The following FARS2 variants were observed in gnomAD, a reference collection of about 807,000 sequenced individuals.
FARS2 encodes phenylalanine--tRNA ligase, mitochondrial.
Under a neutral mutation model 46.4 loss-of-function variants are expected in FARS2, and 40 were observed. That is an observed-to-expected ratio of 0.86 (90% CI 0.67 to 1.12). The LOEUF is 1.12. Ranked by LOEUF, FARS2 falls within the 50% of genes most tolerant of loss-of-function variation. The pLI is 0.00. For synonymous variants in FARS2, 234 were observed against 214.9 expected (o/e 1.09, Z -0.78); for missense variants, 513 against 567.9 (o/e 0.90, Z 0.98).
At chr6:5,491,378 T>C (rs1767098690) in intron 4 of FARS2, among the ~76,000 whole-genome samples, 1 of 152,224 alleles carries the variant, frequency 6.6e-6, no homozygotes, top group Admixed American at 6.5e-5. Flanking sequence ...TAATTGTTGC[T>C]GTGCAGAATT....
At chr6:5,549,025 C>G (rs1039172594) in intron 5 of FARS2, among the ~76,000 whole-genome samples, 31 of 152,146 alleles carry the variant, frequency 2.0e-4, no homozygotes, top group African/African-American at 7.5e-4. Context: ...CCAGTTACCA[C>G]AAATCTAGTA....
At chr6:5,390,703 C>G (rs1760453281) in intron 2 of FARS2, among the ~76,000 whole-genome samples, 2 of 152,108 alleles carry the variant, frequency 1.3e-5, no homozygotes, top group South Asian at 4.1e-4. Flanking sequence ...CTCTTCTATT[C>G]CCTTAGTTTA....
At chr6:5,550,940 T>C (rs1771336048) in intron 5 of FARS2, among the ~76,000 whole-genome samples, 1 of 152,230 alleles carries the variant, frequency 6.6e-6, no homozygotes. Context: ...TCTGAGGCAT[T>C]AACAAAGGGT....
intron 6 of FARS2, among the ~76,000 whole-genome samples, chr6:5,686,963 C>T (rs1359459075): frequency 6.6e-6 from 1 of 152,202 alleles, no homozygotes; most frequent in East Asian, 1.9e-4. Flanking sequence ...TGATGATGAG[C>T]ATTTTTTCAT....
chr6:5,456,134 G>C (rs893729950), intron 4 of FARS2, among the ~76,000 whole-genome samples: 2 of 152,088 alleles, frequency 1.3e-5, no homozygotes, highest in Non-Finnish European at 2.9e-5. Context: ...AGGATTGCTT[G>C]AGCCTGGAGG....
At chr6:5,717,851 T>C (rs1448026569) in intron 6 of FARS2, among the ~76,000 whole-genome samples, 1 of 151,424 alleles carries the variant, frequency 6.6e-6, no homozygotes, top group African/African-American at 2.4e-5. Flanking sequence ...ACAGTGCTTT[T>C]TCTACCATGC....
intron 6 of FARS2, among the ~76,000 whole-genome samples, chr6:5,742,093 C>G (rs1417891579): frequency 6.6e-6 from 1 of 152,178 alleles, no homozygotes; most frequent in South Asian, 2.1e-4. Flanking sequence ...AAAGACAGAT[C>G]AGAGTCTCAA....
chr6:5,418,956 G>GT, intron 3 of FARS2, among the ~76,000 whole-genome samples: 1 of 152,136 alleles, frequency 6.6e-6, no homozygotes, highest in South Asian at 2.1e-4. Flanking sequence ...AGATGTGGAA[G>GT]TTTCTCTTTT....
intron 6 of FARS2, among the ~76,000 whole-genome samples, chr6:5,643,428 C>T (rs1776921974): frequency 6.6e-6 from 1 of 152,180 alleles, no homozygotes; most frequent in Non-Finnish European, 1.5e-5. Context: ...AGATAGGAGC[C>T]AAAACGTGCA....
At chr6:5,467,110 C>A (rs956212000) in intron 4 of FARS2, 4 of 983,038 alleles carry the variant, frequency 4.1e-6, no homozygotes, top group Non-Finnish European at 4.8e-6. Flanking sequence ...GGTTGTTGAG[C>A]CCTCCATTTT....
At chr6:5,264,638 C>G (rs1045554068) in intron 1 of FARS2, among the ~76,000 whole-genome samples, 1 of 151,924 alleles carries the variant, frequency 6.6e-6, no homozygotes, top group South Asian at 2.1e-4. Flanking sequence ...AACTCCTGAC[C>G]TCAGGTGATC....
At chr6:5,296,425 G>C (rs370116278) in intron 1 of FARS2, among the ~76,000 whole-genome samples, 1 of 152,142 alleles carries the variant, frequency 6.6e-6, no homozygotes, top group African/African-American at 2.4e-5. Flanking sequence ...ACAGGCGTGC[G>C]CCACTGTGCC....
intron 4 of FARS2, among the ~76,000 whole-genome samples, chr6:5,518,472 G>A (rs1561680017): frequency 6.6e-6 from 1 of 152,174 alleles, no homozygotes; most frequent in Admixed American, 6.5e-5. Flanking sequence ...AAATATGTCT[G>A]GAAGTGATCA....
At chr6:5,334,461 A>G (rs1452102383) in intron 1 of FARS2, among the ~76,000 whole-genome samples, 1 of 152,250 alleles carries the variant, frequency 6.6e-6, no homozygotes, top group African/African-American at 2.4e-5. Context: ...AATATTGGAA[A>G]CAAATGTTCA....
rs370065139 is a variant in FARS2 at position 5,596,575 on chromosome 6, T to A, written c.1066-16594T>A. Among the ~76,000 whole-genome samples the A allele has an allele frequency of 3.3e-5, 5 of 152,214 alleles. No homozygotes were observed. The East Asian group carries it at 9.6e-4, about 29-fold the overall frequency. ...GGAATTTTAGCTCTTAATTGATGAT[T>A]TTGCTTGTTCATAGCCTCAGCGACA... On this transcript the variant is annotated intron_variant, in intron 5 of 6. Transcript: ENST00000274680.
chr6:5,685,891 G>C (rs1757160110), intron 6 of FARS2, among the ~76,000 whole-genome samples: 3 of 152,266 alleles, frequency 2.0e-5, no homozygotes, highest in South Asian at 4.1e-4. Context: ...CAAAAATGAA[G>C]ACTGTAATTT....
chr6:5,613,195 C>A lies in FARS2; in HGVS notation c.1092C>A (p.Ile364=). The part of the protein sequence containing the change: ...FQPLSKYPAV[I]NDISFWLPSE... ...CTCTTAGCAAATATCCGGCTGTGAT[C>A]AATGATATTTCATTCTGGTTGCCCT... is the stretch of plus-strand genomic sequence containing the variant. The change falls in exon 6 of 7, where the codon ATC becomes ATA. Residue 364 remains isoleucine, a synonymous_variant. Coordinates refer to ENST00000274680, the MANE Select transcript of FARS2 (RefSeq NM_006567.5). The A allele has an allele frequency of 6.2e-7, 1 of 1,612,932 alleles. No homozygotes were observed. The highest frequency in any genetic ancestry group is 8.5e-7 in the Non-Finnish European group (1 of 1,179,442).
chr6:5,282,366 G>A (rs1309411428), intron 1 of FARS2, among the ~76,000 whole-genome samples: 2 of 152,204 alleles, frequency 1.3e-5, no homozygotes, highest in African/African-American at 4.8e-5. Context: ...ATGGTCCATG[G>A]CGCTTAGGGG....
chr6:5,645,101 G>A (rs1220709287), intron 6 of FARS2, among the ~76,000 whole-genome samples: 2 of 152,174 alleles, frequency 1.3e-5, no homozygotes, highest in African/African-American at 2.4e-5. Context: ...ACCTTCAAGG[G>A]TGCTTAAGTT....
Sources: allele counts gnomAD v4.1 joint callset (sites outside exome capture counted in the v4.1 genomes callset), GRCh38; gene constraint gnomAD v4.1.1; transcripts MANE v1.5; gene names NCBI Gene and HGNC (gene_info 2026-07-23, HGNC 2026-07-21).